Variants in CSMD1 observed in about 807,000 individuals in gnomAD.
CSMD1 encodes CUB and sushi domain-containing protein 1.
A neutral mutation model predicts 417.5 loss-of-function variants in CSMD1; 213 were observed. The ratio of observed to expected loss-of-function variants is 0.51; its 90% confidence interval spans 0.46 to 0.57. CSMD1 has a LOEUF of 0.57. Among genes scored for constraint, CSMD1 ranks in the 20% least tolerant of loss-of-function variants. The pLI, the probability that CSMD1 is intolerant of heterozygous loss-of-function variation, is 0.00. For missense variants in CSMD1, 6,923 were observed against 4,529.7 expected (o/e 1.53, Z -15.17); for synonymous variants, 2,862 against 1,736.8 (o/e 1.65, Z -16.11).
chr8:3,517,502 AG>A (rs1377693084), intron 10 of CSMD1, among the ~76,000 whole-genome samples: 1 of 152,222 alleles, frequency 6.6e-6, no homozygotes, highest in Non-Finnish European at 1.5e-5. Context: ...AAAAATACTT[AG>A]AAAATGTCAG....
chr8:4,642,658 G>A (rs749689108), intron 1 of CSMD1, among the ~76,000 whole-genome samples: 9 of 152,142 alleles, frequency 5.9e-5, no homozygotes, highest in Non-Finnish European at 1.2e-4. Flanking sequence ...TTTAAAAACT[G>A]GTGTGCCAAA....
chr8:3,624,233 C>G (rs922799), intron 7 of CSMD1, among the ~76,000 whole-genome samples: 57,315 of 152,014 alleles, frequency 0.38, 11,106 homozygotes, highest in Middle Eastern at 0.48. Flanking sequence ...CATATGGTTT[C>G]AACCACGAGT....
At chr8:3,653,348 G>C (rs1424425426) in intron 7 of CSMD1, among the ~76,000 whole-genome samples, 1 of 152,070 alleles carries the variant, frequency 6.6e-6, no homozygotes. Context: ...CACTTTTGTT[G>C]TCCGGGCTGT....
At chr8:4,971,314 T>A (rs1384702232) in intron 1 of CSMD1, among the ~76,000 whole-genome samples, 3 of 152,082 alleles carry the variant, frequency 2.0e-5, no homozygotes, top group Non-Finnish European at 4.4e-5. Flanking sequence ...CATGCTTAAA[T>A]CATGAATTAA....
chr8:3,481,017 G>A (rs551589555), intron 11 of CSMD1, among the ~76,000 whole-genome samples: 320 of 151,670 alleles, frequency 2.1e-3, no homozygotes, highest in Non-Finnish European at 3.8e-3. Context: ...TTAGCCAGGC[G>A]TGGTGGCAGG....
chr8:3,714,591 G>T (rs907881478), intron 6 of CSMD1, among the ~76,000 whole-genome samples: 1 of 30,702 alleles, frequency 3.3e-5, no homozygotes, highest in Non-Finnish European at 6.8e-5. Flanking sequence ...ATTAGCCCCA[G>T]CCAGGCATGG....
intron 25 of CSMD1, among the ~76,000 whole-genome samples, chr8:3,286,331 G>A (rs974746196): frequency 2.0e-5 from 3 of 152,038 alleles, no homozygotes; most frequent in Non-Finnish European, 2.9e-5. Context: ...TAATCCTTTG[G>A]GTATATACCC....
chr8:3,668,732 G>C (rs187916813), intron 7 of CSMD1, among the ~76,000 whole-genome samples: 80 of 152,312 alleles, frequency 5.3e-4, no homozygotes, highest in Admixed American at 1.9e-3. Context: ...GAGCTCAGGA[G>C]GGGCCAACGC....
At chr8:3,346,509 C>T (rs1411317106) in intron 22 of CSMD1, among the ~76,000 whole-genome samples, 1 of 152,162 alleles carries the variant, frequency 6.6e-6, no homozygotes, top group Non-Finnish European at 1.5e-5. Flanking sequence ...CCTCATACTG[C>T]CAGTGTGAGA....
At chr8:3,763,706 G>C (rs1174399674) in intron 5 of CSMD1, among the ~76,000 whole-genome samples, 1 of 152,134 alleles carries the variant, frequency 6.6e-6, no homozygotes, top group Non-Finnish European at 1.5e-5. Flanking sequence ...CAGTGTCATA[G>C]TTGGATAAAC....
chr8:4,364,612 C>G (rs546299244), intron 3 of CSMD1, among the ~76,000 whole-genome samples: 195 of 17,886 alleles, frequency 0.011, 70 homozygotes, highest in South Asian at 0.076. Flanking sequence ...ATCACGAGGT[C>G]AGGAGATCGA....
chr8:4,842,912 A>C (rs1192283083), intron 1 of CSMD1, among the ~76,000 whole-genome samples: 1 of 152,196 alleles, frequency 6.6e-6, no homozygotes, highest in Non-Finnish European at 1.5e-5. Flanking sequence ...ATAAATCTTA[A>C]AGGTTATATA....
chr8:3,428,672 C>A (rs948364520), intron 12 of CSMD1, among the ~76,000 whole-genome samples: 1 of 152,100 alleles, frequency 6.6e-6, no homozygotes, highest in African/African-American at 2.4e-5. Context: ...TAAAAAAGAA[C>A]TATCATATGA....
chr8:2,943,273 G>A lies in CSMD1; in HGVS notation c.10403-669C>T, dbSNP rs1231591490. ...GACAGAGTCTCACCCTGTTGCCCAG[G>A]CTGGAGTGCAGTGGAGTGATCTCAG... is the stretch of plus-strand genomic sequence containing the variant. On this transcript the variant is annotated intron_variant, in intron 68 of 69. Coordinates refer to ENST00000635120, the MANE Select transcript of CSMD1 (RefSeq NM_033225.6). Among the ~76,000 whole-genome samples, 3 of 151,438 alleles carry A rather than the reference G, an allele frequency of 2.0e-5. No homozygotes were observed. The East Asian group carries it at 5.8e-4, about 29-fold the overall frequency.
intron 1 of CSMD1, among the ~76,000 whole-genome samples, chr8:4,676,228 T>C (rs1805671990): frequency 6.6e-6 from 1 of 152,182 alleles, no homozygotes; most frequent in South Asian, 2.1e-4. Flanking sequence ...GATTGAAGAT[T>C]CTTTAGAGTT....
chr8:4,741,319 G>A (rs192482646), intron 1 of CSMD1, among the ~76,000 whole-genome samples: 106 of 152,240 alleles, frequency 7.0e-4, no homozygotes, highest in Non-Finnish European at 1.2e-3. Context: ...TAAAAACAGG[G>A]AATTTTTCTC....
intron 1 of CSMD1, among the ~76,000 whole-genome samples, chr8:4,844,272 T>G (rs1801008542): frequency 6.6e-6 from 1 of 152,114 alleles, no homozygotes; most frequent in Non-Finnish European, 1.5e-5. Context: ...GGGGACTCGG[T>G]GTTTTTGTTT....
chr8:3,475,730 T>A (rs1047303177), intron 11 of CSMD1, among the ~76,000 whole-genome samples: 1 of 152,238 alleles, frequency 6.6e-6, no homozygotes, highest in Non-Finnish European at 1.5e-5. Context: ...TCAACAGTGA[T>A]TATTTCTCCA....
chr8:4,153,423 G>T (rs1350795041), intron 3 of CSMD1, among the ~76,000 whole-genome samples: 1 of 152,144 alleles, frequency 6.6e-6, no homozygotes, highest in Non-Finnish European at 1.5e-5. Context: ...TCATGCTGTT[G>T]CCTGTGCCCC....
Sources: gnomAD v4.1 joint callset for allele counts (sites outside exome capture counted in the v4.1 genomes callset) on GRCh38, gnomAD v4.1.1 for gene constraint, MANE v1.5 for transcripts, NCBI Gene and HGNC (gene_info 2026-07-23, HGNC 2026-07-21) for gene names.